Variants in ESPN observed in about 807,000 individuals in gnomAD.
The protein encoded by ESPN is autosomal recessive deafness type 36 protein.
Under a neutral mutation model 77.7 loss-of-function variants are expected in ESPN, and 68 were observed. The ratio of observed to expected loss-of-function variants is 0.87; its 90% CI spans 0.72 to 1.07. The LOEUF (loss-of-function observed/expected upper bound fraction) is 1.07. Among genes scored for constraint, ESPN ranks in the 50% least tolerant of loss-of-function variants. ESPN has a pLI of 0.00. For synonymous variants in ESPN, 449 were observed against 567.1 expected (o/e 0.79, Z 2.96); for missense variants, 1,060 against 1,239.0 (o/e 0.86, Z 2.17).
Position 6,440,955 on chromosome 1 carries a change from A to G in ESPN, c.880A>G (p.Asn294Asp), listed in dbSNP as rs751744035. The change falls in exon 5 of 13, where the codon AAC (asparagine) becomes GAC (aspartate). Residue 294 changes from asparagine to aspartate, a missense_variant. Physicochemically the swap from Asn to Asp is conservative, Grantham distance 23. Coordinates refer to ENST00000645284, the MANE Select transcript of ESPN (RefSeq NM_031475.3). ...ELECCQILVV[N>D]GAELDVRDRD... ...GCAGTGCTGCCAGATCCTGGTAGTGAACGGCGCGGAGCTGGACGTCCGCGA... is the reference window on the plus strand; with the variant it reads ...GCAGTGCTGCCAGATCCTGGTAGTGGACGGCGCGGAGCTGGACGTCCGCGA... The G allele has an allele frequency of 6.3e-7, 1 of 1,593,374 alleles. No individual in the cohort carries two copies. Among genetic ancestry groups the G allele is most frequent in the Non-Finnish European group, 8.5e-7 (1 of 1,171,228 alleles).
At position 6,452,053 on chromosome 1, in the gene ESPN, A is replaced by G; in HGVS notation, c.2282A>G (p.Lys761Arg). The part of the protein sequence containing the change: ...PEWKRQVMVR[K>R]MQLKMQEEEE... ...TGGAAGCGCCAGGTGATGGTGCGCA[A>G]GATGCAGCTGAAGATGCAGGAGGAG... The change falls in exon 10 of 13, where the codon AAG becomes AGG. Residue 761 changes from lysine to arginine, a missense_variant. Around this residue, in one of 3 missense-constraint regions of ESPN, gnomAD observed 374 missense variants for 381.4 expected, o/e 0.98. Transcript: ENST00000645284. The G allele has an allele frequency of 6.4e-7, 1 of 1,572,298 alleles. No individual in the cohort carries two copies. Among genetic ancestry groups the G allele is most frequent in the African/African-American group, 1.3e-5 (1 of 74,098 alleles).
rs771048531 is a variant in ESPN at position 6,460,157 on chromosome 1, C to G, written c.*11C>G. 3 of 1,608,164 alleles carry G rather than the reference C, an allele frequency of 1.9e-6. No individual in the cohort carries two copies. The highest frequency in any genetic ancestry group is 1.1e-5 in the South Asian group (1 of 90,950). ...ATCGCTAAGTACTAGAGGCCGCAGA[C>G]TCCTGTCCGCAGCCTCGCAGCTCCG... On this transcript the variant is annotated 3_prime_UTR_variant, in exon 13 of 13. Coordinates refer to ENST00000645284, the MANE Select transcript of ESPN (RefSeq NM_031475.3).
rs1259227814 is a variant in ESPN, at chr1:6,440,527, G to C, written c.675+87G>C. The C allele has an allele frequency of 6.3e-6, 7 of 1,111,788 alleles. No homozygotes were observed. In the African/African-American group the frequency reaches 1.7e-4, roughly 27 times the overall value. 68.9% of individuals were successfully genotyped at this position (1,111,788 alleles called of 1,614,324 possible). On this transcript the variant is annotated intron_variant, in intron 3 of 12. Coordinates refer to ENST00000645284, the MANE Select transcript of ESPN (RefSeq NM_031475.3). ...GGAGGGAGCGGGGCCATCAGGGGTG[G>C]GGCGGGGGGGCGGGGGCGGGCCACG... is the stretch of plus-strand genomic sequence containing the variant.
At chr1:6,436,757 T>C (rs1643453995) in intron 2 of ESPN, among the ~76,000 whole-genome samples, 1 of 152,146 alleles carries the variant, frequency 6.6e-6, no homozygotes, top group South Asian at 2.1e-4. Flanking sequence ...TCCTCCTGCT[T>C]TGGCCTCCGA....
intron 10 of ESPN, among the ~76,000 whole-genome samples, chr1:6,452,664 G>A (rs1643970458): frequency 6.6e-6 from 1 of 152,150 alleles, no homozygotes; most frequent in Admixed American, 6.5e-5. Context: ...CCAGCTCCTG[G>A]GTGAGGCTGC....
chr1:6,456,109 G>A, intron 10 of ESPN: 1 of 398,884 alleles, frequency 2.5e-6, no homozygotes. Flanking sequence ...TCTGAGATGG[G>A]CGAGTTCAGC....
chr1:6,440,854 G>C (rs1232712474), intron 4 of ESPN, 46 bp downstream of exon 4: 5 of 1,473,624 alleles, frequency 3.4e-6, no homozygotes, highest in African/African-American at 1.5e-5. Context: ...TGCTGGCACC[G>C]CGCTTTCAGC....
Position 6,427,553 on chromosome 1 carries a change from G to A in ESPN, c.295-673G>A, listed in dbSNP as rs902172473. 2.0e-5 allele frequency among the ~76,000 whole-genome samples: 3 copies of A among 152,108 alleles called. No individual in the cohort carries two copies. Among genetic ancestry groups the A allele is most frequent in the East Asian group, 1.9e-4 (1 of 5,198 alleles). On this transcript the variant is annotated intron_variant, in intron 1 of 12. Transcript: ENST00000645284. The surrounding 1 kb of genome is among the most constrained non-coding windows in gnomAD (Gnocchi z 4.6). ...CCTAGCACCCCTGGCTGACTGCCCC[G>A]GACCCGCCCACCAGTACCCAGCAAC...
At chr1:6,457,323 TG>T (rs1341642878) in intron 11 of ESPN, 37 bp from the exon 12 acceptor site, 1 of 1,614,032 alleles carries the variant, frequency 6.2e-7, no homozygotes, top group Non-Finnish European at 8.5e-7. Context: ...GTCCCTGAGG[TG>T]GAGGTACCAA....
chr1:6,432,209 G>A (rs1643277797), intron 2 of ESPN, among the ~76,000 whole-genome samples: 1 of 152,156 alleles, frequency 6.6e-6, no homozygotes. Flanking sequence ...TCAGCTTAGA[G>A]AGCCCCAGGG....
At position 6,428,179 on chromosome 1, in the gene ESPN, C is replaced by T. The variant is rs370481063; in HGVS notation, c.295-47C>T. The T allele has an allele frequency of 8.5e-5, 135 of 1,595,380 alleles. No homozygotes were observed. The South Asian group carries it at 1.3e-3, about 15-fold the overall frequency. ...GTCTGGGAGTGGCCCAAGCCAGGGG[C>T]GGGGCAGCAACAGGCTTTAGGACTT... On this transcript the variant is annotated intron_variant, in intron 1 of 12. Transcript: ENST00000645284. The surrounding 1 kb of genome is among the most constrained non-coding windows in gnomAD (Gnocchi z 5.4).
In ESPN at chr1:6,440,427, T is replaced by A; in HGVS notation, c.662T>A (p.Val221Asp). 6.4e-7 allele frequency: 1 copy of A among 1,569,224 alleles called. No individual in the cohort carries two copies. Among genetic ancestry groups the A allele is most frequent in the Non-Finnish European group, 8.6e-7 (1 of 1,160,788 alleles). ...GCGGCGCAGATGGGCCACAGCCCAG[T>A]CATCGTGTGGTTGGTGAGCTCCGGG... The part of the protein sequence containing the change: ...HAAAQMGHSP[V>D]IVWLVSCTDV... Residue 221 changes from valine to aspartate, a missense_variant, in exon 3 of 13, where the codon GTC (valine) becomes GAC (aspartate). Coordinates refer to ENST00000645284, the MANE Select transcript of ESPN (RefSeq NM_031475.3).
At position 6,448,925 on chromosome 1, in the gene ESPN, C is replaced by T. The variant is rs1200473831; in HGVS notation, c.1749C>T (p.Asn583=). ...AALLPGNHVP[N]GCAADPKASR... Reference sequence around the variant, plus strand: ...TGCTTCCTGGGAACCATGTTCCTAACGGCTGCGCCGCGGACCCCAAGGCGT... The same window carrying T: ...TGCTTCCTGGGAACCATGTTCCTAATGGCTGCGCCGCGGACCCCAAGGCGT... Residue 583 remains asparagine, a synonymous_variant, in exon 8 of 13, where the codon AAC becomes AAT. Transcript: ENST00000645284. 32 of 1,393,404 alleles carry T rather than the reference C, an allele frequency of 2.3e-5. No homozygotes were observed. Among genetic ancestry groups the T allele is most frequent in the Admixed American group, 6.3e-5 (2 of 31,958 alleles). 86.3% of individuals were successfully genotyped at this position (1,393,404 alleles called of 1,614,324 possible).
chr1:6,455,334 C>T lies in ESPN; in HGVS notation c.2326-1850C>T, dbSNP rs1644033351. ...CCGCTGGGCCTGCCGCGGACCAGGC[C>T]GCCGCGCCCAGGCGCGCCTACGCGG... is the stretch of plus-strand genomic sequence containing the variant. On this transcript the variant is annotated intron_variant, in intron 10 of 12. Transcript: ENST00000645284. The T allele has an allele frequency of 1.3e-5, 5 of 385,600 alleles. No homozygotes were observed. In the Admixed American group the frequency reaches 1.8e-4, roughly 14 times the overall value. 23.9% of individuals were successfully genotyped at this position (385,600 alleles called of 1,614,324 possible). A position where few individuals can be genotyped will look rare whatever the true frequency, so the allele number is the denominator to read the frequency against.
rs778292871 is a variant in ESPN, at chr1:6,440,467, A to C, written c.675+27A>C. 3.4e-6 allele frequency: 5 copies of C among 1,460,650 alleles called. No homozygotes were observed. The South Asian group carries it at 6.1e-5, about 18-fold the overall frequency. 90.5% of individuals were successfully genotyped at this position (1,460,650 alleles called of 1,614,324 possible). A position where few individuals can be genotyped will look rare whatever the true frequency, so the allele number is the denominator to read the frequency against. On this transcript the variant is annotated intron_variant, in intron 3 of 12. Transcript: ENST00000645284. ...TGAGCTCCGGGCCCGGGCGGGGAGC[A>C]GGGGAGGCGGGGCGGAGCCGGCAGG...
rs963395459 is a variant in ESPN at position 6,440,280 on chromosome 1, G to A, written c.515G>A (p.Gly172Asp). 1.9e-6 allele frequency: 3 copies of A among 1,550,930 alleles called. No individual in the cohort carries two copies. The highest frequency in any genetic ancestry group is 2.6e-6 in the Non-Finnish European group (3 of 1,147,446). Residue 172 changes from glycine to aspartate, a missense_variant, in exon 3 of 13, where the codon GGT becomes GAT. Gly to Asp is a moderately conservative substitution (Grantham distance 94). Coordinates refer to ENST00000645284, the MANE Select transcript of ESPN (RefSeq NM_031475.3). Reference sequence around the variant, plus strand: ...GGAGTGAATGCCCAAACCAAGAACGGTGCCACGCCCCTGTACCTGGCGTGC... The same window carrying A: ...GGAGTGAATGCCCAAACCAAGAACGATGCCACGCCCCTGTACCTGGCGTGC... ...PEGVNAQTKNGATPLYLACQE... is the reference protein window; with the variant it reads ...PEGVNAQTKNDATPLYLACQE...
At chr1:6,446,002 CAA>C in intron 7 of ESPN, 67 bp downstream of exon 7, 1 of 1,537,186 alleles carries the variant, frequency 6.5e-7, no homozygotes, top group Non-Finnish European at 9.0e-7. Flanking sequence ...CCAGTGAGGC[CAA>C]AGGCCTGGCC....
At chr1:6,439,400 A>G (rs1385167423) in intron 2 of ESPN, among the ~76,000 whole-genome samples, 2 of 152,162 alleles carry the variant, frequency 1.3e-5, no homozygotes, top group African/African-American at 2.4e-5. Context: ...AACCCTTACC[A>G]CCCTGCCCTC....
At position 6,460,266 on chromosome 1, in the gene ESPN, A is replaced by G. The variant is rs961911773; in HGVS notation, c.*120A>G. 4.0e-6 allele frequency: 5 copies of G among 1,248,662 alleles called. No homozygotes were observed. The African/African-American group carries it at 6.1e-5, about 15-fold the overall frequency. The allele number at this position is 1,248,662 out of a possible 1,614,324, so 77.3% of individuals were successfully genotyped here. Reference sequence around the variant, plus strand: ...ACAGCCCTCCCCTCCTGCGCTGGAAACCCTCCCTGACCCCCACCCTGGCCC... The same window carrying G: ...ACAGCCCTCCCCTCCTGCGCTGGAAGCCCTCCCTGACCCCCACCCTGGCCC... On this transcript the variant is annotated 3_prime_UTR_variant, in exon 13 of 13. Coordinates refer to ENST00000645284, the MANE Select transcript of ESPN (RefSeq NM_031475.3).
Sources: allele counts gnomAD v4.1 joint callset (sites outside exome capture counted in the v4.1 genomes callset), GRCh38; gene constraint gnomAD v4.1.1; regional missense constraint gnomAD v4.1.1; non-coding constraint Gnocchi (gnomAD v3.1); transcripts MANE v1.5; gene names NCBI Gene and HGNC (gene_info 2026-07-23, HGNC 2026-07-21).